HTR4: variants seen among roughly 807,000 people sequenced by gnomAD.
HTR4 encodes 5-hydroxytryptamine receptor 4.
HTR4 carries 16 observed loss-of-function variants against 36.8 expected under a neutral mutation model. The observed-to-expected ratio is 0.43, with a 90% CI of 0.29 to 0.66. HTR4 has a LOEUF of 0.66. Among genes scored for constraint, HTR4 ranks in the 30% least tolerant of loss-of-function variants. The pLI, the probability that HTR4 is intolerant of heterozygous loss-of-function variation, is 0.13. For synonymous variants in HTR4, 189 were observed against 185.1 expected (o/e 1.02, Z -0.17); for missense variants, 438 against 490.9 (o/e 0.89, Z 1.02).
At chr5:148,495,474 C>A (rs1191357906) in intron 6 of HTR4, among the ~76,000 whole-genome samples, 1 of 152,118 alleles carries the variant, frequency 6.6e-6, no homozygotes, top group Non-Finnish European at 1.5e-5. Flanking sequence ...AGACTAGAGA[C>A]AGAGCATTTT....
chr5:148,487,239 A>T (rs535616660), intron 6 of HTR4, among the ~76,000 whole-genome samples: 3 of 152,318 alleles, frequency 2.0e-5, no homozygotes, highest in African/African-American at 7.2e-5. Context: ...TAGTGCTATA[A>T]CTTGGGTATT....
intron 4 of HTR4, among the ~76,000 whole-genome samples, chr5:148,531,999 C>G (rs982399050): frequency 6.6e-6 from 1 of 152,056 alleles, no homozygotes; most frequent in Non-Finnish European, 1.5e-5. Context: ...CTACAGTGCC[C>G]CAATAACAAT....
At chr5:148,511,619 T>TGTGTGTGTGTG (rs1757500386) in intron 5 of HTR4, among the ~76,000 whole-genome samples, 1 of 139,276 alleles carries the variant, frequency 7.2e-6, no homozygotes, top group East Asian at 2.1e-4. Context: ...TTGTGGAAGT[T>TGTGTGTGTGTG]TGTGTGTGTG....
intron 6 of HTR4, among the ~76,000 whole-genome samples, chr5:148,505,038 A>ATT (rs1757127737): frequency 6.6e-6 from 1 of 152,204 alleles, no homozygotes; most frequent in Non-Finnish European, 1.5e-5. Context: ...GATCAGATGG[A>ATT]TTCACAGTCG....
chr5:148,477,519 G>C (rs2113710696), downstream of HTR4, among the ~76,000 whole-genome samples: 1 of 152,190 alleles, frequency 6.6e-6, no homozygotes, highest in Non-Finnish European at 1.5e-5. Context: ...GTGGAACCTG[G>C]GCTCCATTTC....
At chr5:148,632,448 C>A (rs1005835926) in intron 2 of HTR4, among the ~76,000 whole-genome samples, 2 of 152,108 alleles carry the variant, frequency 1.3e-5, no homozygotes, top group African/African-American at 4.8e-5. Context: ...AAGGAAGAAG[C>A]CCCAGGGACT....
downstream of HTR4, among the ~76,000 whole-genome samples, chr5:148,479,765 G>T (rs537491857): frequency 2.2e-4 from 33 of 152,276 alleles, no homozygotes; most frequent in African/African-American, 7.7e-4. Context: ...TGAAATTAGA[G>T]AATTAAGTTT....
chr5:148,490,802 T>A, intron 6 of HTR4: 1 of 854,222 alleles, frequency 1.2e-6, no homozygotes, highest in South Asian at 1.4e-5. Context: ...CCTCTCTCCC[T>A]CACATTATGC....
At chr5:148,572,982 A>G (rs1229411126) in intron 2 of HTR4, among the ~76,000 whole-genome samples, 2 of 152,098 alleles carry the variant, frequency 1.3e-5, no homozygotes, top group Non-Finnish European at 2.9e-5. Context: ...AGAATAATGA[A>G]GGTTTAGAAT....
intron 2 of HTR4, among the ~76,000 whole-genome samples, chr5:148,559,819 G>A (rs1233044577): frequency 1.3e-5 from 2 of 152,018 alleles, no homozygotes; most frequent in African/African-American, 2.4e-5. Context: ...TGCACCTCCT[G>A]CTTCAATGTG....
chr5:148,593,911 A>G (rs543781566), intron 2 of HTR4, among the ~76,000 whole-genome samples: 1 of 152,328 alleles, frequency 6.6e-6, no homozygotes, highest in East Asian at 1.9e-4. Context: ...ATATTTTTAT[A>G]TGCTAGAGAA....
intron 3 of HTR4, among the ~76,000 whole-genome samples, chr5:148,549,856 T>C (rs940488721): frequency 2.6e-5 from 4 of 152,134 alleles, no homozygotes; most frequent in Non-Finnish European, 4.4e-5. Context: ...GGTTAGATTA[T>C]ATGTGCTCTC....
At chr5:148,574,879 T>C (rs1331537184) in intron 2 of HTR4, among the ~76,000 whole-genome samples, 2 of 152,098 alleles carry the variant, frequency 1.3e-5, no homozygotes, top group Non-Finnish European at 2.9e-5. Flanking sequence ...TAATTTTCTC[T>C]GGTTTCTGCT....
intron 2 of HTR4, among the ~76,000 whole-genome samples, chr5:148,627,327 C>T (rs1753151538): frequency 6.7e-6 from 1 of 149,132 alleles, no homozygotes; most frequent in Non-Finnish European, 1.5e-5. Context: ...TTTTTGAATG[C>T]TAAGAAGTTT....
chr5:148,590,139 G>A (rs188342337), intron 2 of HTR4, among the ~76,000 whole-genome samples: 1 of 152,074 alleles, frequency 6.6e-6, no homozygotes, highest in Non-Finnish European at 1.5e-5. Flanking sequence ...TTTTGTTGAA[G>A]ATGTTCTGCC....
At chr5:148,649,940 T>C (rs1753983800) in intron 1 of HTR4, among the ~76,000 whole-genome samples, 1 of 152,182 alleles carries the variant, frequency 6.6e-6, no homozygotes, top group South Asian at 2.1e-4. Flanking sequence ...AACAACATCA[T>C]CACCTGCGAA....
At chr5:148,647,473 G>T (rs1561667375) in intron 1 of HTR4, among the ~76,000 whole-genome samples, 1 of 152,186 alleles carries the variant, frequency 6.6e-6, no homozygotes, top group African/African-American at 2.4e-5. Flanking sequence ...CCTGGGCACT[G>T]GACATTGCCC....
intron 6 of HTR4, among the ~76,000 whole-genome samples, chr5:148,487,692 T>C (rs971930820): frequency 3.3e-5 from 5 of 150,488 alleles, no homozygotes; most frequent in African/African-American, 1.2e-4. Flanking sequence ...AGCTTAGAGA[T>C]AGAGACAGTA....
At chr5:148,500,944 T>A (rs984673054) in intron 6 of HTR4, among the ~76,000 whole-genome samples, 1 of 152,156 alleles carries the variant, frequency 6.6e-6, no homozygotes, top group African/African-American at 2.4e-5. Context: ...AATATTATAG[T>A]AAACATAAAC....
Sources: allele counts gnomAD v4.1 joint callset (sites outside exome capture counted in the v4.1 genomes callset), GRCh38; gene constraint gnomAD v4.1.1; transcripts MANE v1.5; gene names NCBI Gene and HGNC (gene_info 2026-07-23, HGNC 2026-07-21).